The following CRY1 variants were observed in gnomAD, a reference collection of about 807,000 sequenced individuals.
CRY1 encodes the protein cryptochrome circadian regulator 1.
CRY1 carries 45 observed loss-of-function variants against 76.0 expected under a neutral mutation model. The ratio of observed to expected loss-of-function variants is 0.59; its 90% CI spans 0.47 to 0.76. The LOEUF (loss-of-function observed/expected upper bound fraction) is 0.76, where lower values mean the gene tolerates loss of function less well. CRY1 is among the 30% of genes least tolerant of loss of function. The probability of loss-of-function intolerance (pLI) is 0.00; values close to 1 mark genes in which losing one functional copy is unlikely to be tolerated. For synonymous variants in CRY1, 248 were observed against 244.0 expected, an observed-to-expected ratio of 1.02 and a Z score of -0.15; for missense variants, 587 against 716.4, an observed-to-expected ratio of 0.82 and a Z score of 2.06.
chr12:107,010,732 C>T (rs1235922505), intron 2 of CRY1, among the ~76,000 whole-genome samples: 1 of 152,080 alleles, frequency 6.6e-6, no homozygotes, highest in Non-Finnish European at 1.5e-5. Context: ...GTACCAGTCA[C>T]TACACCCAGC....
intron 1 of CRY1, among the ~76,000 whole-genome samples, chr12:107,051,748 A>G (rs1952923788): frequency 6.6e-6 from 1 of 152,266 alleles, no homozygotes; most frequent in East Asian, 1.9e-4. Context: ...CACTAGCACA[A>G]GTCTATATAA....
intron 1 of CRY1, among the ~76,000 whole-genome samples, chr12:107,038,221 G>C: frequency 6.6e-6 from 1 of 152,142 alleles, no homozygotes. Flanking sequence ...GAAATGAGAT[G>C]ACTAAGTCTG....
At chr12:107,004,087 G>A (rs886382647) in intron 3 of CRY1, among the ~76,000 whole-genome samples, 16 of 152,136 alleles carry the variant, frequency 1.1e-4, no homozygotes, top group Non-Finnish European at 1.6e-4. Flanking sequence ...TTACAGGTGT[G>A]AGCCATCGCG....
chr12:106,997,326 G>A lies in CRY1; in HGVS notation c.1553C>T (p.Ala518Val). Residue 518 changes from alanine (A) to valine (V), a missense_variant, in exon 10 of 13, where the codon GCA becomes GTA. Transcript: ENST00000008527. ...GCTGCTACAACCTGGGATATTTTCT[G>A]CAGAATATCCCATGAAGCCTCCATT... ...NGNGGFMGYS[A>V]ENIPGCSSSG... 1.2e-6 allele frequency: 2 copies of A among 1,613,922 alleles called. No homozygotes were observed. Among genetic ancestry groups the A allele is most frequent in the South Asian group, 1.1e-5 (1 of 91,060 alleles).
chr12:107,010,674 C>T (rs1012891957), intron 2 of CRY1, among the ~76,000 whole-genome samples: 5 of 151,938 alleles, frequency 3.3e-5, no homozygotes, highest in East Asian at 3.9e-4. Flanking sequence ...GAACTCCTGG[C>T]CTCAAGTGAT....
intron 1 of CRY1, among the ~76,000 whole-genome samples, chr12:107,040,060 C>A (rs979983231): frequency 6.6e-6 from 1 of 151,954 alleles, no homozygotes; most frequent in East Asian, 1.9e-4. Context: ...CATGGATGAA[C>A]CTTGAGGACA....
At chr12:107,013,444 T>C (rs1308898585) in intron 2 of CRY1, among the ~76,000 whole-genome samples, 1 of 152,224 alleles carries the variant, frequency 6.6e-6, no homozygotes, top group African/African-American at 2.4e-5. Flanking sequence ...GACTACAGAA[T>C]AGTATAAAGA....
intron 7 of CRY1, among the ~76,000 whole-genome samples, chr12:106,998,659 AACACACACACACACAC>A (rs10522970): frequency 7.0e-6 from 1 of 143,440 alleles, no homozygotes; most frequent in African/African-American, 2.7e-5. Flanking sequence ...TAAGAGATTA[AACACACACACACACAC>A]ACACACACAC....
rs12579475 is a variant in CRY1, at chr12:107,092,729, G to A, written c.158+75C>T. 966 of 1,573,160 alleles carry A rather than the reference G, an allele frequency of 6.1e-4. 7 individuals are homozygous for A. In the East Asian group the frequency reaches 0.02, roughly 33 times the overall value. On this transcript the variant is annotated intron_variant, in intron 1 of 12. Coordinates refer to ENST00000008527, the MANE Select transcript of CRY1 (RefSeq NM_004075.5). ...GTCCCACGTCTAAATTCACAGATTT[G>A]GCGGATCGCATGGAATTCATTAACA...
chr12:107,018,659 G>A (rs938709036), intron 2 of CRY1, among the ~76,000 whole-genome samples: 1 of 151,866 alleles, frequency 6.6e-6, no homozygotes, highest in African/African-American at 2.4e-5. Context: ...AAAAAATCTA[G>A]ATATTAATTA....
intron 1 of CRY1, among the ~76,000 whole-genome samples, chr12:107,023,039 G>T (rs1952575252): frequency 6.6e-6 from 1 of 152,122 alleles, no homozygotes; most frequent in Non-Finnish European, 1.5e-5. Context: ...TAAAAGAGAT[G>T]TCACCCATGG....
chr12:107,054,857 T>A (rs1012912121), intron 1 of CRY1, among the ~76,000 whole-genome samples: 1 of 152,082 alleles, frequency 6.6e-6, no homozygotes, highest in Non-Finnish European at 1.5e-5. Context: ...ACAAAAGCCT[T>A]CACTTCACCA....
intron 2 of CRY1, among the ~76,000 whole-genome samples, chr12:107,014,359 G>A (rs75063577): frequency 0.011 from 1,706 of 152,258 alleles, 44 homozygotes; most frequent in African/African-American, 0.039. Context: ...GGCTGCTGAG[G>A]TGAATGCTAC....
At chr12:107,078,415 A>G (rs774739769) in intron 1 of CRY1, among the ~76,000 whole-genome samples, 2 of 152,144 alleles carry the variant, frequency 1.3e-5, no homozygotes, top group Non-Finnish European at 2.9e-5. Context: ...CTCTTGCCAC[A>G]TTCAGTTTCC....
rs552815554 is a variant in CRY1 at position 107,019,902 on chromosome 12, G to A, written c.267+2182C>T. 1.8e-4 allele frequency among the ~76,000 whole-genome samples: 28 copies of A among 152,120 alleles called. 1 individual carries two copies. In the South Asian group the frequency reaches 4.6e-3, roughly 25 times the overall value. ...CCACTGCACTACAGTCAGGGCAACA[G>A]AGCGAAACCCTGTCTCCCCAGCACC... On this transcript the variant is annotated intron_variant, in intron 2 of 12. Coordinates refer to ENST00000008527, the MANE Select transcript of CRY1 (RefSeq NM_004075.5).
intron 1 of CRY1, among the ~76,000 whole-genome samples, chr12:107,035,795 C>T (rs1332153190): frequency 1.3e-5 from 2 of 152,132 alleles, no homozygotes; most frequent in South Asian, 2.1e-4. Flanking sequence ...TCATATCCTT[C>T]CATTTATTAA....
intron 1 of CRY1, chr12:107,043,070 T>C (rs2136868021): frequency 6.6e-6 from 1 of 152,228 alleles, no homozygotes; most frequent in South Asian, 2.1e-4. Context: ...GGAGGGTGTC[T>C]TGCTCTGGCG....
intron 1 of CRY1, among the ~76,000 whole-genome samples, chr12:107,030,814 G>C (rs1254831071): frequency 1.3e-5 from 2 of 152,130 alleles, no homozygotes; most frequent in Non-Finnish European, 2.9e-5. Context: ...AGGAAGAAAA[G>C]ATTTGAGTAG....
chr12:107,030,829 T>C (rs533111632), intron 1 of CRY1, among the ~76,000 whole-genome samples: 233 of 152,098 alleles, frequency 1.5e-3, no homozygotes, highest in African/African-American at 5.1e-3. Context: ...GAGTAGAGTT[T>C]AGAATTAATA....
Sources: gnomAD v4.1 joint callset for allele counts (sites outside exome capture counted in the v4.1 genomes callset) on GRCh38, gnomAD v4.1.1 for gene constraint, MANE v1.5 for transcripts, NCBI Gene and HGNC (gene_info 2026-07-23, HGNC 2026-07-21) for gene names.